Variants in CHAC2 observed in about 807,000 individuals in gnomAD.
CHAC2 encodes glutathione-specific gamma-glutamylcyclotransferase 2.
Under a neutral mutation model 16.9 loss-of-function variants are expected in CHAC2, and 20 were observed. The observed-to-expected ratio is 1.18, with a 90% CI of 0.83 to 1.72. The LOEUF (loss-of-function observed/expected upper bound fraction) is 1.72, where lower values mean the gene tolerates loss of function less well. Ranked by LOEUF, CHAC2 falls within the 40% of genes most tolerant of loss-of-function variation. The pLI is 0.00. For synonymous variants in CHAC2, 91 were observed against 77.3 expected (o/e 1.18, Z -0.93); for missense variants, 269 against 222.2 (o/e 1.21, Z -1.34).
rs746994832 is a variant in CHAC2, at chr2:53,774,328, G to A, written c.358G>A (p.Gly120Ser). Residue 120 changes from glycine (G) to serine (S), a missense_variant, in exon 3 of 3, where the codon GGT (glycine) becomes AGT (serine). Physicochemically the swap from Gly to Ser is moderately conservative, Grantham distance 56. Coordinates refer to ENST00000295304, the MANE Select transcript of CHAC2 (RefSeq NM_001008708.4). Reference protein sequence around the residue: ...IGTCDNPDYLGPAPLEDIAEQ... With the variant: ...IGTCDNPDYLSPAPLEDIAEQ... ...AACATGTGATAATCCTGATTATCTTGGTCCTGCACCTCTGGAAGACATTGC... is the reference window on the plus strand; with the variant it reads ...AACATGTGATAATCCTGATTATCTTAGTCCTGCACCTCTGGAAGACATTGC... The A allele has an allele frequency of 1.2e-5, 20 of 1,613,254 alleles. No individual in the cohort carries two copies. The highest frequency in any genetic ancestry group is 4.5e-5 in the East Asian group (2 of 44,864).
chr2:53,768,201 C>T, intron 1 of CHAC2, 180 bp downstream of exon 1: 1 of 689,878 alleles, frequency 1.4e-6, no homozygotes, highest in Non-Finnish European at 2.3e-6. Context: ...TAACCCAGCC[C>T]GGGCACTCCT....
chr2:53,768,065 CT>C (rs1225145208), intron 1 of CHAC2, 44 bp downstream of exon 1: 1 of 1,604,352 alleles, frequency 6.2e-7, no homozygotes, highest in Admixed American at 1.7e-5. Context: ...CCCCTGACCC[CT>C]GCTCCCCAAC....
chr2:53,773,756 C>G (rs1305657331), intron 2 of CHAC2, among the ~76,000 whole-genome samples: 1 of 151,586 alleles, frequency 6.6e-6, no homozygotes, highest in Non-Finnish European at 1.5e-5. Flanking sequence ...AAGATACAGG[C>G]AGGCATGGTG....
chr2:53,772,618 C>T (rs1475611406), intron 2 of CHAC2, among the ~76,000 whole-genome samples: 1 of 151,560 alleles, frequency 6.6e-6, no homozygotes, highest in African/African-American at 2.4e-5. Context: ...TGCTACCAGT[C>T]TCATTTTCAG....
chr2:53,774,439 CCAG>C lies in CHAC2; in HGVS notation c.470_472del (p.Pro157_Glu158delinsGln). 1 of 1,608,436 alleles carries C rather than the reference CCAG, an allele frequency of 6.2e-7. No individual in the cohort carries two copies. The highest frequency in any genetic ancestry group is 8.5e-7 in the Non-Finnish European group (1 of 1,178,392). On this transcript the variant is annotated inframe_deletion, in exon 3 of 3. Coordinates refer to ENST00000295304, the MANE Select transcript of CHAC2 (RefSeq NM_001008708.4). ...TGCAAATTCTATTAGGAACCTTGTGCCAGAAGAAGCAGATGAGCATCTTTTCGC... is the reference window on the plus strand; with the variant it reads ...TGCAAATTCTATTAGGAACCTTGTGCAAGAAGCAGATGAGCATCTTTTCGC...
chr2:53,774,522 A>G lies in CHAC2; in HGVS notation c.552A>G (p.Ile184Met), dbSNP rs201688669. 2 of 1,531,940 alleles carry G rather than the reference A, an allele frequency of 1.3e-6. No individual in the cohort carries two copies. Among genetic ancestry groups the G allele is most frequent in the South Asian group, 1.3e-5 (1 of 75,368 alleles). 94.9% of individuals were successfully genotyped at this position (1,531,940 alleles called of 1,614,324 possible). The change falls in exon 3 of 3, where the codon ATA becomes ATG. Residue 184 changes from isoleucine to methionine, a missense_variant. Transcript: ENST00000295304. ...AAGGGAAACAGAACCTCAATTGCATATAATTTAGTCTTCAGAGAATTAACT... is the reference window on the plus strand; with the variant it reads ...AAGGGAAACAGAACCTCAATTGCATGTAATTTAGTCTTCAGAGAATTAACT... ...RLEGKQNLNC[I>M]
chr2:53,768,143 T>A, intron 1 of CHAC2, 122 bp downstream of exon 1: 1 of 1,143,492 alleles, frequency 8.7e-7, no homozygotes. Context: ...AGCACATGGC[T>A]TGGGGTAACA....
At chr2:53,770,891 C>T (rs1673855551) in intron 1 of CHAC2, among the ~76,000 whole-genome samples, 1 of 152,196 alleles carries the variant, frequency 6.6e-6, no homozygotes, top group African/African-American at 2.4e-5. Flanking sequence ...AAATGCCTAC[C>T]TTGAAGCACC....
At position 53,768,833 on chromosome 2, in the gene CHAC2, G is replaced by A. The variant is rs143691224; in HGVS notation, c.135+812G>A. Among the ~76,000 whole-genome samples the A allele has an allele frequency of 2.6e-5, 4 of 152,268 alleles. No individual in the cohort carries two copies. In the East Asian group the frequency reaches 7.7e-4, roughly 29 times the overall value. On this transcript the variant is annotated intron_variant, in intron 1 of 2. Coordinates refer to ENST00000295304, the MANE Select transcript of CHAC2 (RefSeq NM_001008708.4). ...TGCTTATGCAAATCAGCTTTGTACT[G>A]GCTACAAAACAACTAATCCATAAAG...
At position 53,771,942 on chromosome 2, in the gene CHAC2, G is replaced by A. The variant is rs551527866; in HGVS notation, c.171G>A (p.Ala57=). ...GRVVTLVEDP[A]GCVWGVAYRL... ...TTGTGACTCTTGTTGAAGATCCTGCGGTATGGTATAAATATTCTTTTTTGT... is the reference window on the plus strand; with the variant it reads ...TTGTGACTCTTGTTGAAGATCCTGCAGTATGGTATAAATATTCTTTTTTGT... Residue 57 remains alanine (A), a splice_region_variant and synonymous_variant, in exon 2 of 3, where the codon GCG becomes GCA. Transcript: ENST00000295304. 6.5e-6 allele frequency: 10 copies of A among 1,528,498 alleles called. No individual in the cohort carries two copies. The highest frequency in any genetic ancestry group is 5.0e-5 in the South Asian group (4 of 80,002). 94.7% of individuals were successfully genotyped at this position (1,528,498 alleles called of 1,614,324 possible). A position where few individuals can be genotyped will look rare whatever the true frequency, so the allele number is the denominator to read the frequency against.
chr2:53,774,652 T>A lies in CHAC2; in HGVS notation c.*127T>A. 3.0e-6 allele frequency: 2 copies of A among 666,394 alleles called. No homozygotes were observed. Among genetic ancestry groups the A allele is most frequent in the Non-Finnish European group, 4.6e-6 (2 of 435,134 alleles). The allele number at this position is 666,394 out of a possible 1,614,324, so 41.3% of individuals were successfully genotyped here. On this transcript the variant is annotated 3_prime_UTR_variant, in exon 3 of 3. Coordinates refer to ENST00000295304, the MANE Select transcript of CHAC2 (RefSeq NM_001008708.4). The stretch of plus-strand genomic sequence containing the variant: ...ACTTTTATTTTAACTGGAAATGTCC[T>A]GAAACACATATTTAAAATATTGGGA...
intron 2 of CHAC2, 52 bp from the exon 3 acceptor site, chr2:53,774,090 C>G: frequency 6.7e-7 from 1 of 1,495,188 alleles, no homozygotes; most frequent in African/African-American, 1.4e-5. Flanking sequence ...CCTTTCTTCA[C>G]CTATTTTAAT....
intron 1 of CHAC2, among the ~76,000 whole-genome samples, chr2:53,770,580 T>A (rs1465170029): frequency 6.6e-6 from 1 of 150,670 alleles, no homozygotes; most frequent in Non-Finnish European, 1.5e-5. Flanking sequence ...ACATTCCAAG[T>A]CTGGACTTTC....
Position 53,774,661 on chromosome 2 carries a change from T to C in CHAC2, c.*136T>C. ...TTAACTGGAAATGTCCTGAAACACA[T>C]ATTTAAAATATTGGGATACAGTGAA... is the stretch of plus-strand genomic sequence containing the variant. On this transcript the variant is annotated 3_prime_UTR_variant, in exon 3 of 3. Coordinates refer to ENST00000295304, the MANE Select transcript of CHAC2 (RefSeq NM_001008708.4). The C allele has an allele frequency of 3.2e-6, 2 of 620,440 alleles. No individual in the cohort carries two copies. The highest frequency in any genetic ancestry group is 3.7e-5 in the South Asian group (1 of 27,110). The allele number at this position is 620,440 out of a possible 1,614,324, so 38.4% of individuals were successfully genotyped here.
intron 1 of CHAC2, among the ~76,000 whole-genome samples, chr2:53,769,951 CAT>C (rs776281766): frequency 5.3e-5 from 8 of 152,190 alleles, no homozygotes; most frequent in Non-Finnish European, 1.0e-4. Flanking sequence ...ATTTATTTCA[CAT>C]GTTAGTTTGC....
intron 1 of CHAC2, 105 bp from the exon 2 acceptor site, chr2:53,771,802 G>T: frequency 1.4e-6 from 1 of 738,722 alleles, no homozygotes; most frequent in South Asian, 1.6e-5. Flanking sequence ...TGCTTCTTAT[G>T]AGCAAATATA....
chr2:53,770,487 C>T (rs6716978), intron 1 of CHAC2, among the ~76,000 whole-genome samples: 10,165 of 119,120 alleles, frequency 0.085, 560 homozygotes, highest in African/African-American at 0.2. Context: ...ACTCCGTGGA[C>T]GAAGTTTATT....
At chr2:53,769,782 C>T (rs981991154) in intron 1 of CHAC2, among the ~76,000 whole-genome samples, 10 of 152,094 alleles carry the variant, frequency 6.6e-5, no homozygotes, top group Non-Finnish European at 1.5e-4. Flanking sequence ...GCAGACGTTG[C>T]GGTGAGCTGA....
Position 53,770,583 on chromosome 2 carries a change from G to C in CHAC2, c.136-1324G>C, listed in dbSNP as rs1452932162. ...TTAAATTATGGAACATTCCAAGTCTGGACTTTCTCTAAGGCTTTCCATTTA... is the reference window on the plus strand; with the variant it reads ...TTAAATTATGGAACATTCCAAGTCTCGACTTTCTCTAAGGCTTTCCATTTA... On this transcript the variant is annotated intron_variant, in intron 1 of 2. Transcript: ENST00000295304. 2.0e-5 allele frequency among the ~76,000 whole-genome samples: 3 copies of C among 150,790 alleles called. No homozygotes were observed. In the East Asian group the frequency reaches 5.8e-4, roughly 29 times the overall value.
Sources: allele counts gnomAD v4.1 joint callset (sites outside exome capture counted in the v4.1 genomes callset), GRCh38; gene constraint gnomAD v4.1.1; transcripts MANE v1.5; gene names NCBI Gene and HGNC (gene_info 2026-07-23, HGNC 2026-07-21).